PTGDS: variants seen among roughly 807,000 people sequenced by gnomAD.
PTGDS encodes the protein prostaglandin D2 synthase.
PTGDS carries 21 observed loss-of-function variants against 28.4 expected under a neutral mutation model. The observed-to-expected ratio is 0.74, with a 90% CI of 0.52 to 1.07. The LOEUF is 1.07. Ranked by LOEUF, PTGDS falls within the 50% of genes least tolerant of loss-of-function variation. The pLI is 0.00. For synonymous variants in PTGDS, 102 were observed against 106.0 expected, an observed-to-expected ratio of 0.96 and a Z score of 0.23; for missense variants, 243 against 247.7, an observed-to-expected ratio of 0.98 and a Z score of 0.13.
intron 6 of PTGDS, 174 bp downstream of exon 6, chr9:136,981,029 A>C (rs986238212): frequency 2.2e-6 from 2 of 908,574 alleles, no homozygotes; most frequent in African/African-American, 3.4e-5. Context: ...GGGGCTGCCC[A>C]CATTGATGGG....
chr9:136,979,353 G>C, intron 3 of PTGDS, 54 bp downstream of exon 3: 2 of 1,586,930 alleles, frequency 1.3e-6, no homozygotes, highest in Middle Eastern at 1.7e-4. Flanking sequence ...GACACTTGCC[G>C]GGACGACTCT....
At chr9:136,977,832 G>C (rs887236210) in intron 1 of PTGDS, 140 bp downstream of exon 1, 4 of 778,310 alleles carry the variant, frequency 5.1e-6, no homozygotes, top group Non-Finnish European at 7.8e-6. Context: ...CTGAGCGGGC[G>C]CGCAGGAAGG....
intron 1 of PTGDS, among the ~76,000 whole-genome samples, chr9:136,978,265 C>T (rs939004559): frequency 6.6e-6 from 1 of 152,190 alleles, no homozygotes; most frequent in Non-Finnish European, 1.5e-5. Flanking sequence ...AATGCGACGT[C>T]CTCTGCCGCC....
chr9:136,979,516 G>GGAT, intron 3 of PTGDS: 1 of 1,420,416 alleles, frequency 7.0e-7, no homozygotes, highest in Non-Finnish European at 9.6e-7. Flanking sequence ...CCTCTCTGGA[G>GGAT]CCCACCATTG....
At chr9:136,979,836 C>T in intron 3 of PTGDS, 110 bp from the exon 4 acceptor site, 1 of 1,055,704 alleles carries the variant, frequency 9.5e-7, no homozygotes, top group Non-Finnish European at 1.5e-6. Context: ...GCATCCCGGG[C>T]CAGCCGAGGG....
At position 136,980,728 on chromosome 9, in the gene PTGDS, C is replaced by A. The variant is rs951159633; in HGVS notation, c.551-105C>A. 13 of 1,612,624 alleles carry A rather than the reference C, an allele frequency of 8.1e-6. No individual in the cohort carries two copies. In the African/African-American group the frequency reaches 1.7e-4, roughly 22 times the overall value. ...ATGGGGGATCTGTGCAGTTTGGGGG[C>A]TCAGTCAAGACGAGCTCTGCGTTAC... On this transcript the variant is annotated intron_variant, in intron 5 of 6. Transcript: ENST00000371625.
Position 136,977,626 on chromosome 9 carries a change from G to C in PTGDS, c.48G>C (p.Val16=), listed in dbSNP as rs1830382417. ...TLWMGLALLG[V]LGDLQAAPEA... is the part of the protein sequence containing the mutation. Reference sequence around the variant, plus strand: ...GGATGGGACTGGCCCTGCTGGGGGTGCTGGGCGACCTGCAGGCAGCACCGG... The same window carrying C: ...GGATGGGACTGGCCCTGCTGGGGGTCCTGGGCGACCTGCAGGCAGCACCGG... Residue 16 remains valine, a synonymous_variant, in exon 1 of 7, where the codon GTG becomes GTC. Transcript: ENST00000371625. 2 of 1,609,812 alleles carry C rather than the reference G, an allele frequency of 1.2e-6. No individual in the cohort carries two copies. The highest frequency in any genetic ancestry group is 1.3e-5 in the African/African-American group (1 of 74,882).
intron 1 of PTGDS, 66 bp from the exon 2 acceptor site, chr9:136,978,927 C>A (rs556743952): frequency 6.3e-7 from 1 of 1,579,560 alleles, no homozygotes; most frequent in East Asian, 2.3e-5. Context: ...CAGAGGCGCC[C>A]CCGCAGGTAG....
chr9:136,980,606 C>T, intron 5 of PTGDS: 1 of 1,478,772 alleles, frequency 6.8e-7, no homozygotes, highest in Non-Finnish European at 9.1e-7. Context: ...CCATACTGGG[C>T]TCAGGCACAG....
chr9:136,979,711 C>T, intron 3 of PTGDS: 1 of 615,508 alleles, frequency 1.6e-6, no homozygotes, highest in South Asian at 1.9e-5. Flanking sequence ...TCTGCGGCTG[C>T]ACCAGGAATC....
intron 6 of PTGDS, chr9:136,981,090 G>A (rs924531083): frequency 6.5e-6 from 4 of 612,868 alleles, no homozygotes; most frequent in Admixed American, 3.2e-5. Flanking sequence ...GCTGGAACAG[G>A]GCTGACTCCT....
At chr9:136,980,984 C>G in intron 6 of PTGDS, 129 bp downstream of exon 6, 2 of 1,338,256 alleles carry the variant, frequency 1.5e-6, no homozygotes, top group Non-Finnish European at 2.0e-6. Context: ...CCATCCTTCC[C>G]GATGGCTGCA....
rs768017191 is a variant in PTGDS, at chr9:136,980,747, G to A, written c.551-86G>A. ...TGGGGGCTCAGTCAAGACGAGCTCT[G>A]CGTTACGGGAGGAACAGGAAGCCCA... On this transcript the variant is annotated intron_variant, in intron 5 of 6. Transcript: ENST00000371625. 4.3e-6 allele frequency: 7 copies of A among 1,613,622 alleles called. No individual in the cohort carries two copies. The African/African-American group carries it at 6.7e-5, about 15-fold the overall frequency.
chr9:136,977,647 A>G lies in PTGDS; in HGVS notation c.69A>G (p.Ala23=), dbSNP rs2131395639. 3.1e-6 allele frequency: 5 copies of G among 1,608,266 alleles called. No individual in the cohort carries two copies. Among genetic ancestry groups the G allele is most frequent in the East Asian group, 2.2e-5 (1 of 44,528 alleles). The change falls in exon 1 of 7, where the codon GCA becomes GCG. Residue 23 remains alanine, a synonymous_variant. Coordinates refer to ENST00000371625, the MANE Select transcript of PTGDS (RefSeq NM_000954.6). The part of the protein sequence containing the change: ...LLGVLGDLQA[A]PEAQVSVQPN... ...GGGTGCTGGGCGACCTGCAGGCAGC[A>G]CCGGAGGCCCAGGTCTCCGTGCAGC...
intron 1 of PTGDS, 31 bp downstream of exon 1, chr9:136,977,723 G>T (rs374266192): frequency 6.6e-7 from 1 of 1,524,208 alleles, no homozygotes; most frequent in Admixed American, 2.0e-5. Flanking sequence ...ATCCCCAAGG[G>T]CTACAGGACC....
intron 1 of PTGDS, 90 bp from the exon 2 acceptor site, chr9:136,978,903 G>C (rs756699620): frequency 4.5e-6 from 7 of 1,542,326 alleles, no homozygotes; most frequent in African/African-American, 2.7e-5. Flanking sequence ...GTTGGAGACC[G>C]GAGGAGTAGA....
In PTGDS at chr9:136,980,548, T is replaced by TG. The variant is rs912042606; in HGVS notation, c.550+270dup. ...CCCAGGATGTGGGGCTTCAGCCTGG[T>TG]GGGGGGCATAGGGTAGAGGGTGCCC... On this transcript the variant is annotated intron_variant, in intron 5 of 6. Transcript: ENST00000371625. 1.3e-5 allele frequency: 14 copies of TG among 1,104,124 alleles called. No homozygotes were observed. The African/African-American group carries it at 1.4e-4, about 11-fold the overall frequency. The allele number at this position is 1,104,124 out of a possible 1,614,324, so 68.4% of individuals were successfully genotyped here.
chr9:136,980,681 G>A lies in PTGDS; in HGVS notation c.551-152G>A, dbSNP rs755850738. On this transcript the variant is annotated intron_variant, in intron 5 of 6. Coordinates refer to ENST00000371625, the MANE Select transcript of PTGDS (RefSeq NM_000954.6). ...GAAAGACCCTCTCTTTGTTTCCAGT[G>A]CCCAGGGAGAGGTGGGAGGTGATGG... The A allele has an allele frequency of 1.1e-5, 18 of 1,592,490 alleles. No homozygotes were observed. The African/African-American group carries it at 2.0e-4, about 18-fold the overall frequency.
chr9:136,979,392 G>A, intron 3 of PTGDS, 93 bp downstream of exon 3: 1 of 1,573,296 alleles, frequency 6.4e-7, no homozygotes, highest in Non-Finnish European at 8.6e-7. Flanking sequence ...GGAGATCCAT[G>A]GGGTGGGAGG....
Sources: allele counts gnomAD v4.1 joint callset (sites outside exome capture counted in the v4.1 genomes callset), GRCh38; gene constraint gnomAD v4.1.1; transcripts MANE v1.5; gene names NCBI Gene and HGNC (gene_info 2026-07-23, HGNC 2026-07-21).